The following SLC10A7 variants were observed in gnomAD, a reference collection of about 807,000 sequenced individuals.
The protein encoded by SLC10A7 is solute carrier family 10 member 7.
A neutral mutation model predicts 43.2 loss-of-function variants in SLC10A7; 29 were observed. The ratio of observed to expected loss-of-function variants is 0.67; its 90% CI spans 0.50 to 0.92. The LOEUF (loss-of-function observed/expected upper bound fraction) is 0.92, where lower values mean the gene tolerates loss of function less well. SLC10A7 is among the 40% of genes least tolerant of loss of function. The pLI is 0.00. For synonymous variants in SLC10A7, 152 were observed against 144.8 expected, an observed-to-expected ratio of 1.05 and a Z score of -0.35; for missense variants, 295 against 403.2, an observed-to-expected ratio of 0.73 and a Z score of 2.30.
chr4:146,520,044 G>A (rs959802333), intron 1 of SLC10A7, among the ~76,000 whole-genome samples: 4 of 152,174 alleles, frequency 2.6e-5, no homozygotes, highest in Non-Finnish European at 4.4e-5. Flanking sequence ...AAATGATTCA[G>A]CATTCAACAC....
chr4:146,446,874 C>G (rs1731145133), intron 4 of SLC10A7, among the ~76,000 whole-genome samples: 1 of 151,828 alleles, frequency 6.6e-6, no homozygotes, highest in African/African-American at 2.4e-5. Flanking sequence ...TGTATATATT[C>G]ATTAATTAAA....
At chr4:146,439,552 T>C (rs1047391505) in intron 5 of SLC10A7, among the ~76,000 whole-genome samples, 11 of 152,150 alleles carry the variant, frequency 7.2e-5, no homozygotes, top group African/African-American at 2.4e-4. Flanking sequence ...ACCAATTTCC[T>C]TATTTCATGG....
chr4:146,365,648 A>G (rs1395105956), intron 5 of SLC10A7, among the ~76,000 whole-genome samples: 1 of 152,242 alleles, frequency 6.6e-6, no homozygotes, highest in Admixed American at 6.5e-5. Flanking sequence ...TAGGCTTTAT[A>G]AGATAGACAA....
At chr4:146,492,946 G>C (rs867200487) in intron 4 of SLC10A7, among the ~76,000 whole-genome samples, 1 of 152,024 alleles carries the variant, frequency 6.6e-6, no homozygotes. Context: ...AGCTAGTTAG[G>C]GATGGGGCCA....
At chr4:146,473,954 GTTACC>G (rs1202280462) in intron 4 of SLC10A7, among the ~76,000 whole-genome samples, 1 of 151,992 alleles carries the variant, frequency 6.6e-6, no homozygotes, top group African/African-American at 2.4e-5. Flanking sequence ...AGTTATCTCT[GTTACC>G]TTAACAGTTT....
chr4:146,337,905 T>C (rs1295501003), intron 5 of SLC10A7, among the ~76,000 whole-genome samples: 2 of 151,946 alleles, frequency 1.3e-5, no homozygotes, highest in Non-Finnish European at 2.9e-5. Flanking sequence ...TAATATTAAT[T>C]AAAATTAGAG....
intron 5 of SLC10A7, among the ~76,000 whole-genome samples, chr4:146,337,744 T>C (rs1323796273): frequency 1.3e-5 from 2 of 151,644 alleles, no homozygotes; most frequent in Admixed American, 6.6e-5. Flanking sequence ...TGTCAGAAGA[T>C]AGAACTCAAC....
intron 5 of SLC10A7, among the ~76,000 whole-genome samples, chr4:146,393,357 A>G (rs1738588495): frequency 6.6e-6 from 1 of 152,144 alleles, no homozygotes; most frequent in Non-Finnish European, 1.5e-5. Flanking sequence ...AATGAGTCCT[A>G]GAAAGATTAA....
At chr4:146,457,585 CCA>C (rs1243512597) in intron 4 of SLC10A7, among the ~76,000 whole-genome samples, 1 of 151,852 alleles carries the variant, frequency 6.6e-6, no homozygotes, top group Non-Finnish European at 1.5e-5. Flanking sequence ...GCCCTGCAAA[CCA>C]CAGTTTGTTC....
intron 5 of SLC10A7, among the ~76,000 whole-genome samples, chr4:146,374,934 G>T (rs1392412692): frequency 1.3e-5 from 2 of 152,130 alleles, no homozygotes; most frequent in Non-Finnish European, 2.9e-5. Flanking sequence ...CACTAGGTGT[G>T]GTGGCTTACG....
rs548007667 is a variant in SLC10A7 at position 146,511,899 on chromosome 4, A to C, written c.184-1850T>G. 2.0e-5 allele frequency among the ~76,000 whole-genome samples: 3 copies of C among 151,784 alleles called. No individual in the cohort carries two copies. In the South Asian group the frequency reaches 6.2e-4, roughly 32 times the overall value. ...ATTTGATAAACACTAAACAAATATT[A>C]GTATTTTTATTTTTTAAAATACTGT... On this transcript the variant is annotated intron_variant, in intron 2 of 11. Transcript: ENST00000335472.
At chr4:146,284,364 T>C (rs1440733034) in intron 9 of SLC10A7, among the ~76,000 whole-genome samples, 2 of 152,174 alleles carry the variant, frequency 1.3e-5, no homozygotes, top group Non-Finnish European at 2.9e-5. Flanking sequence ...GCACGACTTT[T>C]GCTGGGAGAA....
intron 5 of SLC10A7, among the ~76,000 whole-genome samples, chr4:146,326,775 G>A (rs975929996): frequency 4.6e-5 from 7 of 152,128 alleles, no homozygotes; most frequent in Non-Finnish European, 8.8e-5. Context: ...GCCCGTTTTA[G>A]TTTTTCCTTT....
At chr4:146,494,643 G>A (rs1430103324) in intron 4 of SLC10A7, among the ~76,000 whole-genome samples, 3 of 152,140 alleles carry the variant, frequency 2.0e-5, no homozygotes, top group Non-Finnish European at 4.4e-5. Context: ...ATTTGGAGAT[G>A]AGTGGCCATC....
intron 5 of SLC10A7, among the ~76,000 whole-genome samples, chr4:146,408,310 G>A: frequency 6.6e-6 from 1 of 152,074 alleles, no homozygotes; most frequent in African/African-American, 2.4e-5. Flanking sequence ...CATTTTGGGA[G>A]GATGAGGCAG....
rs1013515173 is a variant in SLC10A7, at chr4:146,254,003, T to G, written c.*2488A>C. ...CTCTTGTGATTTCTGAAACATTCTT[T>G]GTTTAATCATATAATTATTTTCATC... On this transcript the variant is annotated 3_prime_UTR_variant, in exon 12 of 12. Transcript: ENST00000335472. 4.6e-5 allele frequency: 7 copies of G among 152,366 alleles called. No individual in the cohort carries two copies. Among genetic ancestry groups the G allele is most frequent in the African/African-American group, 1.4e-4 (6 of 41,586 alleles). The allele number at this position is 152,366 out of a possible 1,614,324, so 9.4% of individuals were successfully genotyped here. A position where few individuals can be genotyped will look rare whatever the true frequency, so the allele number is the denominator to read the frequency against.
chr4:146,489,226 G>A (rs1161706027), intron 4 of SLC10A7, among the ~76,000 whole-genome samples: 2 of 152,148 alleles, frequency 1.3e-5, no homozygotes, highest in African/African-American at 4.8e-5. Flanking sequence ...TTCCACCTAG[G>A]TAGTTCAGGC....
At chr4:146,430,613 A>T (rs528142058) in intron 5 of SLC10A7, among the ~76,000 whole-genome samples, 1 of 152,312 alleles carries the variant, frequency 6.6e-6, no homozygotes, top group East Asian at 1.9e-4. Context: ...AACACGGTGA[A>T]CATTTTAATT....
At chr4:146,324,456 A>T (rs1270307826) in intron 6 of SLC10A7, among the ~76,000 whole-genome samples, 1 of 152,204 alleles carries the variant, frequency 6.6e-6, no homozygotes, top group Non-Finnish European at 1.5e-5. Context: ...GGCCTCAGCC[A>T]CCTAATTGTG....
Sources: allele counts gnomAD v4.1 joint callset (sites outside exome capture counted in the v4.1 genomes callset), GRCh38; gene constraint gnomAD v4.1.1; transcripts MANE v1.5; gene names NCBI Gene and HGNC (gene_info 2026-07-23, HGNC 2026-07-21).